Variants in TRPM6 observed in about 807,000 individuals in gnomAD.
TRPM6 encodes the protein transient receptor potential cation channel subfamily M member 6.
Under a neutral mutation model 247.6 loss-of-function variants are expected in TRPM6, and 111 were observed. That is an observed-to-expected ratio of 0.45 (90% CI 0.38 to 0.52). TRPM6 has a LOEUF of 0.52. TRPM6 is among the 20% of genes least tolerant of loss of function. The pLI is 0.00. For missense variants in TRPM6, 2,126 were observed against 2,421.5 expected, an observed-to-expected ratio of 0.88 and a Z score of 2.56; for synonymous variants, 892 against 853.8, an observed-to-expected ratio of 1.04 and a Z score of -0.78.
chr9:74,879,068 A>G (rs1039019828), intron 1 of TRPM6, among the ~76,000 whole-genome samples: 2 of 152,144 alleles, frequency 1.3e-5, no homozygotes, highest in Non-Finnish European at 2.9e-5. Context: ...TGAAAATACA[A>G]TACAAAGAAA....
chr9:74,750,523 TCTG>T, intron 30 of TRPM6, 138 bp downstream of exon 30: 2 of 775,020 alleles, frequency 2.6e-6, no homozygotes, highest in Non-Finnish European at 4.3e-6. Context: ...TCATTTTCAT[TCTG>T]CTAACAAGAG....
intron 3 of TRPM6, among the ~76,000 whole-genome samples, chr9:74,845,314 G>A (rs1325889594): frequency 6.6e-6 from 1 of 152,128 alleles, no homozygotes; most frequent in Non-Finnish European, 1.5e-5. Flanking sequence ...AGGTATGCCT[G>A]TACTAAAAAT....
intron 11 of TRPM6, 133 bp from the exon 12 acceptor site, chr9:74,812,566 GAAA>G (rs34491796): frequency 6.2e-4 from 392 of 634,882 alleles, no homozygotes; most frequent in Middle Eastern, 9.3e-4. Flanking sequence ...AGTGGGTACA[GAAA>G]AAAAAAAAAA....
In TRPM6 at chr9:74,837,400, A is replaced by C. The variant is rs536473370; in HGVS notation, c.544+2624T>G. On this transcript the variant is annotated intron_variant, in intron 5 of 38. Transcript: ENST00000360774. ...TAATCCTTAAGTAGCCAGGCCATAG[A>C]GGAGCTGTGGTTGAATCAGGTTAGC... Among the ~76,000 whole-genome samples the C allele has an allele frequency of 1.6e-4, 24 of 152,100 alleles. No homozygotes were observed. In the South Asian group the frequency reaches 5.0e-3, roughly 32 times the overall value.
intron 14 of TRPM6, among the ~76,000 whole-genome samples, chr9:74,806,897 C>T (rs908866060): frequency 2.0e-5 from 3 of 152,146 alleles, no homozygotes; most frequent in East Asian, 3.9e-4. Context: ...TGGGTGACTT[C>T]GTACTGGCAG....
chr9:74,860,462 G>A (rs1370970074), intron 1 of TRPM6, among the ~76,000 whole-genome samples: 3 of 152,130 alleles, frequency 2.0e-5, no homozygotes, highest in South Asian at 2.1e-4. Context: ...GGTTTCAAGC[G>A]ATTCTCCTGC....
intron 17 of TRPM6, among the ~76,000 whole-genome samples, chr9:74,798,856 A>C (rs937676850): frequency 1.1e-4 from 16 of 152,188 alleles, no homozygotes; most frequent in African/African-American, 3.6e-4. Context: ...CTTACTTCAC[A>C]AGTCTCCTTT....
At chr9:74,812,594 A>G (rs2117909455) in intron 11 of TRPM6, among the ~76,000 whole-genome samples, 161 bp from the exon 12 acceptor site, 1 of 152,122 alleles carries the variant, frequency 6.6e-6, no homozygotes, top group Middle Eastern at 3.4e-3. Flanking sequence ...AAAAATTTAA[A>G]TACAGTCTTA....
chr9:74,742,710 A>G, intron 32 of TRPM6, 84 bp from the exon 33 acceptor site: 1 of 1,144,078 alleles, frequency 8.7e-7, no homozygotes, highest in Non-Finnish European at 1.3e-6. Flanking sequence ...ATATATTCAT[A>G]TAATGCTATT....
intron 24 of TRPM6, among the ~76,000 whole-genome samples, chr9:74,773,848 C>G (rs943789524): frequency 2.6e-5 from 4 of 152,274 alleles, no homozygotes; most frequent in Non-Finnish European, 5.9e-5. Flanking sequence ...ACAGTGCTTT[C>G]TGATTTAAAT....
At chr9:74,872,831 C>T (rs1004552033) in intron 1 of TRPM6, among the ~76,000 whole-genome samples, 2 of 152,132 alleles carry the variant, frequency 1.3e-5, no homozygotes, top group African/African-American at 4.8e-5. Context: ...ATTGCCACTG[C>T]CCTAGTTAAA....
intron 1 of TRPM6, among the ~76,000 whole-genome samples, chr9:74,866,203 T>A (rs1434100958): frequency 1.3e-5 from 2 of 152,246 alleles, no homozygotes; most frequent in African/African-American, 4.8e-5. Context: ...ATTTATGACA[T>A]TCATAGTAAG....
intron 11 of TRPM6, among the ~76,000 whole-genome samples, chr9:74,815,404 C>T (rs531376092): frequency 9.7e-4 from 147 of 152,146 alleles, no homozygotes; most frequent in Non-Finnish European, 4.4e-4. Context: ...TAAAATACAC[C>T]CAAACATGTA....
chr9:74,812,726 C>T (rs767147450), intron 11 of TRPM6, among the ~76,000 whole-genome samples: 4 of 151,910 alleles, frequency 2.6e-5, no homozygotes, highest in South Asian at 4.2e-4. Flanking sequence ...CCTGTCTCTA[C>T]GAAAAATACA....
intron 1 of TRPM6, chr9:74,875,284 T>G (rs1377645060): frequency 2.2e-6 from 1 of 454,344 alleles, no homozygotes; most frequent in Non-Finnish European, 4.4e-6. Flanking sequence ...GACTCACGCC[T>G]GTAATCCCAG....
chr9:74,737,856 G>A (rs992701928), intron 36 of TRPM6, among the ~76,000 whole-genome samples: 5 of 152,104 alleles, frequency 3.3e-5, no homozygotes, highest in African/African-American at 7.2e-5. Flanking sequence ...GTTTTGTGCC[G>A]CAGGATTATA....
At chr9:74,747,782 A>C (rs1008918797) in intron 31 of TRPM6, 107 bp downstream of exon 31, 31 of 1,012,382 alleles carry the variant, frequency 3.1e-5, no homozygotes, top group Non-Finnish European at 4.6e-5. Flanking sequence ...GATGGACAAA[A>C]ATCATAAATA....
chr9:74,750,633 T>G, intron 30 of TRPM6, 31 bp downstream of exon 30: 1 of 1,605,380 alleles, frequency 6.2e-7, no homozygotes, highest in South Asian at 1.1e-5. Flanking sequence ...AAGCCAAAGA[T>G]TCTTAAACAT....
At chr9:74,740,052 T>G in intron 33 of TRPM6, 43 bp from the exon 34 acceptor site, 1 of 1,603,172 alleles carries the variant, frequency 6.2e-7, no homozygotes, top group Non-Finnish European at 8.5e-7. Flanking sequence ...AAGATTGCCA[T>G]GTCTGTGACA....
Sources: allele counts gnomAD v4.1 joint callset (sites outside exome capture counted in the v4.1 genomes callset), GRCh38; gene constraint gnomAD v4.1.1; transcripts MANE v1.5; gene names NCBI Gene and HGNC (gene_info 2026-07-23, HGNC 2026-07-21).